The following TBC1D19 variants were observed in gnomAD, a reference collection of about 807,000 sequenced individuals.
The protein encoded by TBC1D19 is TBC1 domain family, member 19.
TBC1D19 carries 60 observed loss-of-function variants against 89.0 expected under a neutral mutation model. The ratio of observed to expected loss-of-function variants is 0.67; its 90% CI spans 0.55 to 0.84. The LOEUF is 0.84. Ranked by LOEUF, TBC1D19 falls within the 40% of genes least tolerant of loss-of-function variation. TBC1D19 has a pLI of 0.00. For synonymous variants in TBC1D19, 189 were observed against 199.7 expected (o/e 0.95, Z 0.45); for missense variants, 500 against 610.8 (o/e 0.82, Z 1.91).
chr4:26,765,286 G>A, the TBC1D19 span, among the ~76,000 whole-genome samples: 1 of 152,186 alleles, frequency 6.6e-6, no homozygotes, highest in Admixed American at 6.5e-5. Context: ...AAGCACTTTC[G>A]GGGAGGAGAG....
At chr4:26,751,681 C>T (rs552256838) in intron 19 of TBC1D19, among the ~76,000 whole-genome samples, 38 of 152,266 alleles carry the variant, frequency 2.5e-4, no homozygotes, top group African/African-American at 8.4e-4. Context: ...TTCTCTCTGA[C>T]GAGTTCTAAT....
chr4:26,705,444 A>C (rs1715664092), intron 13 of TBC1D19, among the ~76,000 whole-genome samples: 1 of 152,050 alleles, frequency 6.6e-6, no homozygotes, highest in African/African-American at 2.4e-5. Context: ...ATCCATTTTG[A>C]CTTAATTTTT....
intron 15 of TBC1D19, among the ~76,000 whole-genome samples, chr4:26,735,045 CACACATGTATATATGTATATATGTAT>C (rs1560504053): frequency 3.3e-5 from 3 of 91,140 alleles, no homozygotes; most frequent in Admixed American, 1.3e-4. Flanking sequence ...TATATGTGTA[CACACATGTATATATGTATATATGTAT>C]ACACATGTAT....
the TBC1D19 span, among the ~76,000 whole-genome samples, chr4:26,797,295 G>T: frequency 2.0e-5 from 3 of 151,774 alleles, no homozygotes; most frequent in Admixed American, 1.3e-4. Context: ...CTCAATCCCC[G>T]CAGTGGCCAC....
chr4:26,740,312 T>C (rs533164369), intron 17 of TBC1D19, among the ~76,000 whole-genome samples: 3 of 152,328 alleles, frequency 2.0e-5, no homozygotes, highest in African/African-American at 4.8e-5. Flanking sequence ...TAATATATTA[T>C]CTCTAGTGCT....
At chr4:26,640,755 T>G (rs1181352883) in intron 7 of TBC1D19, among the ~76,000 whole-genome samples, 1 of 152,160 alleles carries the variant, frequency 6.6e-6, no homozygotes, top group African/African-American at 2.4e-5. Context: ...GGAGGTTATA[T>G]CCCATGCCTG....
In TBC1D19 at chr4:26,734,087, A is replaced by G. The variant is rs146936753; in HGVS notation, c.1085-1368A>G. On this transcript the variant is annotated intron_variant, in intron 15 of 20. Transcript: ENST00000264866. ...AACATTTTCACATAGAAGATAAATT[A>G]GATTTGTTCTGTGTGACCTTTGTAG... Among the ~76,000 whole-genome samples the G allele has an allele frequency of 1.9e-3, 289 of 152,310 alleles. 1 individual carries two copies. Among genetic ancestry groups the G allele is most frequent in the African/African-American group, 6.7e-3 (277 of 41,566 alleles).
the TBC1D19 span, among the ~76,000 whole-genome samples, chr4:26,788,608 C>T: frequency 6.6e-6 from 1 of 152,192 alleles, no homozygotes; most frequent in East Asian, 1.9e-4. Context: ...CCTCTTTCTG[C>T]TGCCCTGGCC....
chr4:26,733,530 T>G (rs977867181), intron 15 of TBC1D19, among the ~76,000 whole-genome samples: 2 of 152,134 alleles, frequency 1.3e-5, no homozygotes, highest in African/African-American at 4.8e-5. Context: ...CTGTCTGACA[T>G]CCAGTCCATG....
At chr4:26,777,825 A>G in the TBC1D19 span, among the ~76,000 whole-genome samples, 1 of 152,152 alleles carries the variant, frequency 6.6e-6, no homozygotes, top group Non-Finnish European at 1.5e-5. Flanking sequence ...TCATGCCTGT[A>G]ATCCCAGAAC....
At chr4:26,609,197 TTAAAG>T (rs1173674244) in intron 1 of TBC1D19, among the ~76,000 whole-genome samples, 2 of 151,852 alleles carry the variant, frequency 1.3e-5, no homozygotes, top group Admixed American at 1.3e-4. Context: ...ACCCTAAAAC[TTAAAG>T]TATAATAATA....
At chr4:26,779,217 C>T in the TBC1D19 span, among the ~76,000 whole-genome samples, 1 of 152,318 alleles carries the variant, frequency 6.6e-6, no homozygotes, top group South Asian at 2.1e-4. Context: ...CCGGAAGCCT[C>T]CTTCAACAAT....
intron 1 of TBC1D19, among the ~76,000 whole-genome samples, chr4:26,586,170 G>GTTTTTTTTTTTTTT (rs1560396710): frequency 7.4e-6 from 1 of 135,150 alleles, no homozygotes; most frequent in Non-Finnish European, 1.5e-5. Context: ...TGCAAGGTAA[G>GTTTTTTTTTTTTTT]CTTTTTTTTT....
intron 15 of TBC1D19, among the ~76,000 whole-genome samples, chr4:26,732,083 C>T (rs1045400156): frequency 3.3e-5 from 5 of 151,960 alleles, no homozygotes; most frequent in African/African-American, 4.8e-5. Flanking sequence ...TAAGAATATT[C>T]GTAACATCCT....
chr4:26,687,847 T>C (rs1713949966), intron 12 of TBC1D19, among the ~76,000 whole-genome samples: 1 of 152,136 alleles, frequency 6.6e-6, no homozygotes, highest in Admixed American at 6.6e-5. Flanking sequence ...GTCAGTGAAC[T>C]GGCCCTTAAA....
chr4:26,614,271 C>A, intron 2 of TBC1D19, 137 bp from the exon 3 acceptor site: 1 of 579,764 alleles, frequency 1.7e-6, no homozygotes, highest in South Asian at 2.6e-5. Flanking sequence ...TAACGCTTTA[C>A]ATAGGGATTG....
chr4:26,722,597 G>C (rs1386850385), intron 15 of TBC1D19, among the ~76,000 whole-genome samples: 4 of 152,132 alleles, frequency 2.6e-5, no homozygotes, highest in Non-Finnish European at 5.9e-5. Context: ...GTAAAAGCTA[G>C]TAACACTGTG....
At chr4:26,684,008 A>G (rs1713588199) in intron 12 of TBC1D19, among the ~76,000 whole-genome samples, 1 of 152,146 alleles carries the variant, frequency 6.6e-6, no homozygotes, top group African/African-American at 2.4e-5. Flanking sequence ...AGCATTTCTT[A>G]TATCTCTAAA....
At chr4:26,625,248 T>C (rs935957434) in intron 4 of TBC1D19, among the ~76,000 whole-genome samples, 4 of 152,166 alleles carry the variant, frequency 2.6e-5, no homozygotes, top group African/African-American at 7.2e-5. Context: ...GAATGTTTTC[T>C]GCTAAATACT....
Sources: allele counts gnomAD v4.1 joint callset (sites outside exome capture counted in the v4.1 genomes callset), GRCh38; gene constraint gnomAD v4.1.1; transcripts MANE v1.5; gene names NCBI Gene and HGNC (gene_info 2026-07-23, HGNC 2026-07-21).